Variants in UNC5A observed in about 807,000 individuals in gnomAD.
UNC5A encodes unc-5 netrin receptor A.
Under a neutral mutation model 87.4 loss-of-function variants are expected in UNC5A, and 20 were observed. The ratio of observed to expected loss-of-function variants is 0.23; its 90% confidence interval spans 0.16 to 0.33. The LOEUF is 0.33. Ranked by LOEUF, UNC5A falls within the 10% of genes least tolerant of loss-of-function variation. The pLI is 1.00. For missense variants in UNC5A, 844 were observed against 1,133.4 expected, an observed-to-expected ratio of 0.74 and a Z score of 3.67; for synonymous variants, 438 against 482.3, an observed-to-expected ratio of 0.91 and a Z score of 1.20.
chr5:176,854,424 G>A (rs951901279), intron 1 of UNC5A, among the ~76,000 whole-genome samples: 2 of 152,214 alleles, frequency 1.3e-5, no homozygotes, highest in African/African-American at 4.8e-5. Context: ...CAGGCCGCAG[G>A]GATGCAGGTG....
rs574773131 is a variant in UNC5A, at chr5:176,835,394, G to A, written c.70+24574G>A. Among the ~76,000 whole-genome samples, 9 of 152,356 alleles carry A rather than the reference G, an allele frequency of 5.9e-5. No individual in the cohort carries two copies. In the South Asian group the frequency reaches 1.7e-3, roughly 28 times the overall value. ...TCTCCCAGGAAGGTTCCCAGAGGGG[G>A]CCTGCCTGTGGCTGGGAGAAATCCC... On this transcript the variant is annotated intron_variant, in intron 1 of 14. Coordinates refer to ENST00000329542, the MANE Select transcript of UNC5A (RefSeq NM_133369.3).
intron 1 of UNC5A, among the ~76,000 whole-genome samples, chr5:176,834,880 TC>T (rs1195821437): frequency 1.3e-5 from 2 of 152,124 alleles, no homozygotes; most frequent in African/African-American, 4.8e-5. Context: ...CTCCCTTCCC[TC>T]CCAGTTCTTA....
rs150032228 is a variant in UNC5A at position 176,874,066 on chromosome 5, C to T, written c.985C>T (p.Arg329Trp). ...GCTTGTCCTCATCCTCGTTTATTGC[C>T]GGAAGAAGGAGGGGCTGGACTCAGA... is the stretch of plus-strand genomic sequence containing the variant. ...LLLVLILVYC[R>W]KKEGLDSDVA... is the part of the protein sequence containing the mutation. Residue 329 changes from arginine to tryptophan, a missense_variant, in exon 7 of 15, where the codon CGG becomes TGG. This residue lies in a region of UNC5A where 314 missense variants were observed against 466.5 expected (regional missense o/e 0.67). Transcript: ENST00000329542. The surrounding 1 kb of genome is among the most constrained non-coding windows in gnomAD (Gnocchi z 7.6). 73 of 1,613,940 alleles carry T rather than the reference C, an allele frequency of 4.5e-5. No homozygotes were observed. Among genetic ancestry groups the T allele is most frequent in the African/African-American group, 5.3e-5 (4 of 74,920 alleles).
In UNC5A at chr5:176,879,767, C is replaced by G; in HGVS notation, c.2410C>G (p.Leu804Val). ...ASKPSPTAMI[L>V]NLWEARHFPN... Reference sequence around the variant, plus strand: ...CAAGCCCAGCCCCACAGCCATGATCCTCAACCTGTGGGAGGCGCGGCACTT... The same window carrying G: ...CAAGCCCAGCCCCACAGCCATGATCGTCAACCTGTGGGAGGCGCGGCACTT... Residue 804 changes from leucine (L) to valine (V), a missense_variant, in exon 15 of 15, where the codon CTC (leucine) becomes GTC (valine). Around this residue, in one of 3 missense-constraint regions of UNC5A, gnomAD observed 177 missense variants for 279.4 expected, o/e 0.63. Transcript: ENST00000329542. The G allele has an allele frequency of 6.8e-6, 11 of 1,613,532 alleles. No individual in the cohort carries two copies. Among genetic ancestry groups the G allele is most frequent in the Non-Finnish European group, 9.3e-6 (11 of 1,179,898 alleles).
Position 176,869,113 on chromosome 5 carries a change from T to C in UNC5A, c.721+149T>C. Reference sequence around the variant, plus strand: ...TAGGCAGGATAAGCAAAGGGCTCTCTGTGACTGCTGGGGGCCCAGGGGCAT... The same window carrying C: ...TAGGCAGGATAAGCAAAGGGCTCTCCGTGACTGCTGGGGGCCCAGGGGCAT... On this transcript the variant is annotated intron_variant, in intron 5 of 14. Transcript: ENST00000329542. The surrounding 1 kb of genome is among the most constrained non-coding windows in gnomAD (Gnocchi z 9.1). 2.2e-6 allele frequency: 2 copies of C among 915,560 alleles called. No individual in the cohort carries two copies. The highest frequency in any genetic ancestry group is 3.2e-6 in the Non-Finnish European group (2 of 629,802). 56.7% of individuals were successfully genotyped at this position (915,560 alleles called of 1,614,324 possible). A position where few individuals can be genotyped will look rare whatever the true frequency, so the allele number is the denominator to read the frequency against.
rs531571775 is a variant in UNC5A at position 176,859,049 on chromosome 5, A to T, written c.71-3575A>T. On this transcript the variant is annotated intron_variant, in intron 1 of 14. Coordinates refer to ENST00000329542, the MANE Select transcript of UNC5A (RefSeq NM_133369.3). ...CTGTAGCCCCGAGAGGACGTCCAGT[A>T]GCACCTTAATTTACCCCACCCATGC... is the stretch of plus-strand genomic sequence containing the variant. Among the ~76,000 whole-genome samples, 21 of 152,308 alleles carry T rather than the reference A, an allele frequency of 1.4e-4. No homozygotes were observed. The South Asian group carries it at 3.8e-3, about 27-fold the overall frequency.
intron 1 of UNC5A, among the ~76,000 whole-genome samples, chr5:176,837,901 G>C (rs181253123): frequency 5.9e-5 from 9 of 152,120 alleles, no homozygotes; most frequent in Non-Finnish European, 1.3e-4. Flanking sequence ...CCTAACCTCC[G>C]GACTCTGCTT....
At chr5:176,834,652 C>A (rs1757104257) in intron 1 of UNC5A, among the ~76,000 whole-genome samples, 1 of 143,174 alleles carries the variant, frequency 7.0e-6, no homozygotes, top group African/African-American at 2.6e-5. Flanking sequence ...TCTGCAGGTT[C>A]CCACGTCCCG....
chr5:176,877,423 A>C, intron 9 of UNC5A, 112 bp from the exon 10 acceptor site: 2 of 1,387,832 alleles, frequency 1.4e-6, no homozygotes, highest in Non-Finnish European at 9.8e-7. Flanking sequence ...GTGGTCCTGC[A>C]GCCCAAGCCC....
At chr5:176,827,837 T>C (rs1258653601) in intron 1 of UNC5A, among the ~76,000 whole-genome samples, 1 of 152,250 alleles carries the variant, frequency 6.6e-6, no homozygotes, top group Non-Finnish European at 1.5e-5. Context: ...TGCAAACATT[T>C]TTCTCATGTC....
intron 1 of UNC5A, among the ~76,000 whole-genome samples, chr5:176,829,936 G>A (rs1332144089): frequency 3.9e-5 from 5 of 128,644 alleles, no homozygotes; most frequent in African/African-American, 5.3e-5. Context: ...GTACAGTGGC[G>A]TGATCTCGGC....
chr5:176,870,881 C>T (rs1367303758), intron 6 of UNC5A, among the ~76,000 whole-genome samples: 3 of 142,916 alleles, frequency 2.1e-5, no homozygotes, highest in Non-Finnish European at 3.0e-5. Flanking sequence ...CATCTGCCCA[C>T]GCTCACCCCA....
chr5:176,827,269 G>A (rs555448144), intron 1 of UNC5A, among the ~76,000 whole-genome samples: 7 of 130,294 alleles, frequency 5.4e-5, no homozygotes, highest in East Asian at 5.1e-4. Flanking sequence ...TGCAACCTCC[G>A]CCTCCCAGGT....
chr5:176,839,330 G>C (rs1757214420), intron 1 of UNC5A, among the ~76,000 whole-genome samples: 1 of 152,256 alleles, frequency 6.6e-6, no homozygotes, highest in African/African-American at 2.4e-5. Flanking sequence ...AAGATGAACT[G>C]AAAGCCAGGA....
At position 176,837,941 on chromosome 5, in the gene UNC5A, C is replaced by G. The variant is rs1264069516; in HGVS notation, c.71-24683C>G. 3.3e-5 allele frequency among the ~76,000 whole-genome samples: 5 copies of G among 152,312 alleles called. No individual in the cohort carries two copies. The East Asian group carries it at 9.6e-4, about 29-fold the overall frequency. ...ACCCCACCACCACCTCTAGAGACCTCTAGAGAATTCATTTATCCATCCGCA... is the reference window on the plus strand; with the variant it reads ...ACCCCACCACCACCTCTAGAGACCTGTAGAGAATTCATTTATCCATCCGCA... On this transcript the variant is annotated intron_variant, in intron 1 of 14. Coordinates refer to ENST00000329542, the MANE Select transcript of UNC5A (RefSeq NM_133369.3).
chr5:176,822,735 G>T (rs1353328992), intron 1 of UNC5A, among the ~76,000 whole-genome samples: 1 of 152,244 alleles, frequency 6.6e-6, no homozygotes, highest in Non-Finnish European at 1.5e-5. Flanking sequence ...GGAACCCTGA[G>T]GCCAGAACAG....
In UNC5A at chr5:176,824,977, C is replaced by T. The variant is rs1756818239; in HGVS notation, c.70+14157C>T. Among the ~76,000 whole-genome samples, 1 of 152,234 alleles carries T rather than the reference C, an allele frequency of 6.6e-6. No individual in the cohort carries two copies. Among genetic ancestry groups the T allele is most frequent in the Non-Finnish European group, 1.5e-5 (1 of 68,038 alleles). ...CACAGTGCTTGGTGGGTGTCAGGTA[C>T]TGAGGCCATGGGCAGGGCCATCCCT... On this transcript the variant is annotated intron_variant, in intron 1 of 14. Coordinates refer to ENST00000329542, the MANE Select transcript of UNC5A (RefSeq NM_133369.3). The surrounding 1 kb of genome is among the most constrained non-coding windows in gnomAD (Gnocchi z 4.2).
chr5:176,865,693 C>G lies in UNC5A; in HGVS notation c.293-2437C>G, dbSNP rs1442687014. The G allele has an allele frequency of 2.2e-6, 1 of 456,644 alleles. No homozygotes were observed. The highest frequency in any genetic ancestry group is 1.5e-5 in the South Asian group (1 of 64,570). The allele number at this position is 456,644 out of a possible 1,614,324, so 28.3% of individuals were successfully genotyped here. On this transcript the variant is annotated intron_variant, in intron 2 of 14. Transcript: ENST00000329542. This position sits in a 1 kb window ranked among gnomAD's most constrained non-coding sequence, Gnocchi z 5.3. ...CCACGCCGCCAAAGACCAAAGACCC[C>G]AAACCAGAAACGTTCTGTGGTCAGA... is the stretch of plus-strand genomic sequence containing the variant.
chr5:176,863,192 A>G (rs906999286), intron 2 of UNC5A, among the ~76,000 whole-genome samples: 3 of 152,230 alleles, frequency 2.0e-5, no homozygotes, highest in African/African-American at 7.2e-5. Flanking sequence ...GTGACCTCTC[A>G]GCAGGGAGAG....
Sources: gnomAD v4.1 joint callset for allele counts (sites outside exome capture counted in the v4.1 genomes callset) on GRCh38, gnomAD v4.1.1 for gene constraint, gnomAD v4.1.1 regional missense constraint, Gnocchi (gnomAD v3.1) non-coding constraint, MANE v1.5 for transcripts, NCBI Gene and HGNC (gene_info 2026-07-23, HGNC 2026-07-21) for gene names.